LY96: variants seen among roughly 807,000 people sequenced by gnomAD.
The protein encoded by LY96 is lymphocyte antigen 96.
In LY96, 18 loss-of-function variants were observed where a neutral mutation model predicts 18.9. That is an observed-to-expected ratio of 0.95 (90% CI 0.66 to 1.41). The LOEUF is 1.41. Ranked by LOEUF, LY96 falls within the 40% of genes most tolerant of loss-of-function variation. The pLI, the probability that LY96 is intolerant of heterozygous loss-of-function variation, is 0.00. For missense variants in LY96, 175 were observed against 182.4 expected (o/e 0.96, Z 0.23); for synonymous variants, 66 against 62.6 (o/e 1.06, Z -0.26).
chr8:74,034,903 A>G, the LY96 span, among the ~76,000 whole-genome samples: 1 of 152,226 alleles, frequency 6.6e-6, no homozygotes, highest in Non-Finnish European at 1.5e-5. Context: ...CTAAACAGCC[A>G]GTAAAACAAG....
At chr8:74,054,609 T>A in the LY96 span, among the ~76,000 whole-genome samples, 1 of 111,458 alleles carries the variant, frequency 9.0e-6, no homozygotes, top group African/African-American at 3.4e-5. Flanking sequence ...CTTTCTTGTT[T>A]CCTTTTCCTT....
chr8:74,001,976 T>TTCCTTCCC (rs1816282620), intron 1 of LY96, among the ~76,000 whole-genome samples: 2 of 73,802 alleles, frequency 2.7e-5, no homozygotes, highest in African/African-American at 5.5e-5. Flanking sequence ...CCTTCCTTCC[T>TTCCTTCCC]TCCCTCCCTC....
At chr8:74,005,870 T>A (rs1816398291) in intron 2 of LY96, among the ~76,000 whole-genome samples, 1 of 152,250 alleles carries the variant, frequency 6.6e-6, no homozygotes, top group Non-Finnish European at 1.5e-5. Flanking sequence ...CATTATCACA[T>A]AATTTACATC....
the LY96 span, among the ~76,000 whole-genome samples, chr8:74,069,575 AATTTATTTATTT>A: frequency 3.2e-4 from 49 of 152,012 alleles, no homozygotes; most frequent in South Asian, 9.1e-3. Context: ...GCAGCCAATC[AATTTATTTATTT>A]ATTTATTTAT....
the LY96 span, among the ~76,000 whole-genome samples, chr8:74,051,577 G>C: frequency 6.6e-6 from 1 of 152,126 alleles, no homozygotes; most frequent in African/African-American, 2.4e-5. Context: ...CAAAATTCCT[G>C]TGTTGCAATC....
At chr8:74,029,216 G>GCAT (rs1373535321), downstream of LY96, 1 of 575,128 alleles carries the variant, frequency 1.7e-6, no homozygotes, top group Non-Finnish European at 3.1e-6. Context: ...GAGGCATGGT[G>GCAT]CATCATGCAG....
the LY96 span, among the ~76,000 whole-genome samples, chr8:74,069,854 G>C: frequency 6.6e-6 from 1 of 152,094 alleles, no homozygotes; most frequent in Non-Finnish European, 1.5e-5. Flanking sequence ...CTCCTGCCTT[G>C]GCCTCCCAAA....
chr8:73,991,504 A>C lies in LY96; in HGVS notation c.62A>C (p.Gln21Pro). Reference protein sequence around the residue: ...FSSIFTEAQKQYWVCNSSDAS... With the variant: ...FSSIFTEAQKPYWVCNSSDAS... ...TCCATATTTACTGAAGCTCAGAAGC[A>C]GTATTGGGTCTGCAACTCATCCGAT... Residue 21 changes from glutamine (Q) to proline (P), a missense_variant, in exon 1 of 5, where the codon CAG becomes CCG. Gln to Pro is a moderately conservative substitution (Grantham distance 76, BLOSUM62 -1). Coordinates refer to ENST00000284818, the MANE Select transcript of LY96 (RefSeq NM_015364.5). The C allele has an allele frequency of 1.2e-6, 2 of 1,613,638 alleles. No homozygotes were observed. Among genetic ancestry groups the C allele is most frequent in the Non-Finnish European group, 1.7e-6 (2 of 1,179,610 alleles).
At chr8:74,038,316 C>T in the LY96 span, among the ~76,000 whole-genome samples, 3 of 151,800 alleles carry the variant, frequency 2.0e-5, no homozygotes, top group Admixed American at 1.3e-4. Context: ...TTTTTTGTAC[C>T]CATTAACCAA....
At chr8:74,054,968 C>T in the LY96 span, among the ~76,000 whole-genome samples, 2 of 152,088 alleles carry the variant, frequency 1.3e-5, no homozygotes, top group African/African-American at 4.8e-5. Flanking sequence ...GTGCAGTGGC[C>T]TGATCATGAC....
chr8:74,092,134 T>G, the LY96 span, among the ~76,000 whole-genome samples: 1 of 152,184 alleles, frequency 6.6e-6, no homozygotes, highest in African/African-American at 2.4e-5. Context: ...CTGGCTATAA[T>G]TCATATATTG....
At chr8:74,071,652 A>T in the LY96 span, among the ~76,000 whole-genome samples, 1 of 152,214 alleles carries the variant, frequency 6.6e-6, no homozygotes, top group African/African-American at 2.4e-5. Context: ...TCTCACCTCC[A>T]GGCCTACCTA....
intron 1 of LY96, among the ~76,000 whole-genome samples, chr8:74,003,835 T>C (rs1816351628): frequency 6.6e-6 from 1 of 152,236 alleles, no homozygotes. Context: ...TTTCTTTCTC[T>C]TTTTAATTTT....
At chr8:74,073,770 TCTCCTGCCTCAGC>T in the LY96 span, among the ~76,000 whole-genome samples, 1 of 151,646 alleles carries the variant, frequency 6.6e-6, no homozygotes, top group African/African-American at 2.4e-5. Context: ...TTCAAGCAAT[TCTCCTGCCTCAGC>T]CTCCTGCCTG....
chr8:74,010,169 A>T, intron 3 of LY96, 40 bp downstream of exon 3: 1 of 1,553,710 alleles, frequency 6.4e-7, no homozygotes, highest in Non-Finnish European at 8.9e-7. Context: ...ATAGGAAATA[A>T]TTCTTTATGA....
chr8:74,029,565 C>T (rs145248128), downstream of LY96, among the ~76,000 whole-genome samples: 8 of 152,276 alleles, frequency 5.3e-5, no homozygotes, highest in Middle Eastern at 3.4e-3. Flanking sequence ...TGCCACCATA[C>T]GAAGAAGGAC....
downstream of LY96, among the ~76,000 whole-genome samples, chr8:74,029,715 A>C (rs1816938284): frequency 6.6e-6 from 1 of 152,154 alleles, no homozygotes. Context: ...GCTGGAGTGC[A>C]GTGGCACCAT....
chr8:74,051,252 C>T, the LY96 span, among the ~76,000 whole-genome samples: 1 of 152,256 alleles, frequency 6.6e-6, no homozygotes, highest in African/African-American at 2.4e-5. Flanking sequence ...CTGGATATAA[C>T]TGCTAATGAG....
At chr8:74,066,786 G>T in the LY96 span, among the ~76,000 whole-genome samples, 9 of 152,140 alleles carry the variant, frequency 5.9e-5, no homozygotes, top group African/African-American at 2.2e-4. Flanking sequence ...GAGGATGAAG[G>T]TGTCAGTCTA....
Sources: gnomAD v4.1 joint callset for allele counts (sites outside exome capture counted in the v4.1 genomes callset) on GRCh38, gnomAD v4.1.1 for gene constraint, MANE v1.5 for transcripts, NCBI Gene and HGNC (gene_info 2026-07-23, HGNC 2026-07-21) for gene names.